FCHO1: variants seen among roughly 807,000 people sequenced by gnomAD.
FCHO1 encodes FCH and mu domain containing endocytic adaptor 1.
In FCHO1, 45 loss-of-function variants were observed where a neutral mutation model predicts 114.4. The ratio of observed to expected loss-of-function variants is 0.39; its 90% CI spans 0.31 to 0.50. The LOEUF (loss-of-function observed/expected upper bound fraction) is 0.50. Ranked by LOEUF, FCHO1 falls within the 20% of genes least tolerant of loss-of-function variation. The probability of loss-of-function intolerance (pLI) is 0.77; values close to 1 mark genes in which losing one functional copy is unlikely to be tolerated. For missense variants in FCHO1, 1,042 were observed against 1,209.6 expected (o/e 0.86, Z 2.06); for synonymous variants, 480 against 488.9 (o/e 0.98, Z 0.24).
At chr19:17,786,773 C>A in intron 27 of FCHO1, 144 bp downstream of exon 27, 1 of 869,120 alleles carries the variant, frequency 1.2e-6, no homozygotes, top group Non-Finnish European at 1.8e-6. Context: ...TGGAGGAGGG[C>A]CGGGCTGAGT....
At chr19:17,779,382 G>A (rs576731791) in intron 20 of FCHO1, among the ~76,000 whole-genome samples, 2 of 152,066 alleles carry the variant, frequency 1.3e-5, no homozygotes, top group South Asian at 4.2e-4. Flanking sequence ...CCTGACTCAG[G>A]GGTCACAGGC....
chr19:17,748,083 A>G (rs546625904), upstream of FCHO1, among the ~76,000 whole-genome samples: 7 of 152,244 alleles, frequency 4.6e-5, no homozygotes, highest in African/African-American at 1.4e-4. Flanking sequence ...CGACGACGCG[A>G]GACCCCTCCC....
At chr19:17,778,537 G>A (rs577609547) in intron 19 of FCHO1, 72 bp from the exon 20 acceptor site, 3 of 1,450,680 alleles carry the variant, frequency 2.1e-6, no homozygotes, top group Non-Finnish European at 2.7e-6. Flanking sequence ...ACGTGGCCGT[G>A]GCCTGCAGGA....
Position 17,787,945 on chromosome 19 carries a change from GA to G in FCHO1, c.2647+102del. 3 of 1,422,746 alleles carry G rather than the reference GA, an allele frequency of 2.1e-6. No homozygotes were observed. In the South Asian group the frequency reaches 4.1e-5, roughly 20 times the overall value. 88.1% of individuals were successfully genotyped at this position (1,422,746 alleles called of 1,614,324 possible). On this transcript the variant is annotated intron_variant, in intron 28 of 28. Transcript: ENST00000596536. Reference sequence around the variant, plus strand: ...GGGATTGGGGTGTGGGGATCCTTGGGAAAGATAGGTGGGTGTTGGGGCCAGG... The same window carrying G: ...GGGATTGGGGTGTGGGGATCCTTGGGAAGATAGGTGGGTGTTGGGGCCAGG...
rs1188003253 is a variant in FCHO1, at chr19:17,787,667, T to C, written c.2483-15T>C. On this transcript the variant is annotated splice_polypyrimidine_tract_variant and intron_variant, in intron 27 of 28. Coordinates refer to ENST00000596536, the MANE Select transcript of FCHO1 (RefSeq NM_015122.3). ...GGGCTGGTGCCAGGGCGCAGCTGAC[T>C]GCAGGTCTCCCCAGGTTCTGGCCGC... The C allele has an allele frequency of 7.8e-6, 12 of 1,547,094 alleles. No individual in the cohort carries two copies. In the African/African-American group the frequency reaches 1.4e-4, roughly 18 times the overall value.
At chr19:17,787,571 G>A in intron 27 of FCHO1, 111 bp from the exon 28 acceptor site, 1 of 1,216,542 alleles carries the variant, frequency 8.2e-7, no homozygotes, top group Non-Finnish European at 1.1e-6. Context: ...GTCTGATGGG[G>A]CACATAAAGG....
intron 6 of FCHO1, among the ~76,000 whole-genome samples, chr19:17,764,841 G>A (rs751938840): frequency 1.1e-4 from 17 of 152,024 alleles, no homozygotes; most frequent in Admixed American, 2.0e-4. Context: ...TGAAGTGGGC[G>A]GATCACCGGA....
At chr19:17,778,953 G>C in intron 20 of FCHO1, 69 bp downstream of exon 20, 1 of 1,432,252 alleles carries the variant, frequency 7.0e-7, no homozygotes, top group South Asian at 1.4e-5. Flanking sequence ...CCTGCTTTGG[G>C]CAGGGCCTGA....
At chr19:17,781,936 G>C in intron 23 of FCHO1, 116 bp downstream of exon 23, 1 of 637,134 alleles carries the variant, frequency 1.6e-6, no homozygotes, top group Non-Finnish European at 2.6e-6. Context: ...CTTGAACACT[G>C]AGCCAAGTGA....
intron 9 of FCHO1, among the ~76,000 whole-genome samples, chr19:17,771,366 AAAAAG>A (rs1393794231): frequency 1.4e-5 from 2 of 146,060 alleles, no homozygotes; most frequent in East Asian, 2.0e-4. Context: ...TATAAAAAAA[AAAAAG>A]AAAAGAAAAG....
In FCHO1 at chr19:17,784,240, G is replaced by T; in HGVS notation, c.2226+5G>T. On this transcript the variant is annotated splice_donor_5th_base_variant and intron_variant, in intron 25 of 28. Transcript: ENST00000596536. This position sits in a 1 kb window ranked among gnomAD's most constrained non-coding sequence, Gnocchi z 5.3. ...GTGGTGCTGCTGCGATACCAGGTGC[G>T]CCACCCGCATGGGGCCGGGAGGAGG... The T allele has an allele frequency of 3.1e-6, 5 of 1,597,240 alleles. No homozygotes were observed. Among genetic ancestry groups the T allele is most frequent in the South Asian group, 1.1e-5 (1 of 89,310 alleles).
rs937108255 is a variant in FCHO1, at chr19:17,775,834, A to G, written c.1004-149A>G. 7 of 858,614 alleles carry G rather than the reference A, an allele frequency of 8.2e-6. No individual in the cohort carries two copies. The highest frequency in any genetic ancestry group is 3.6e-4 in the Middle Eastern group (1 of 2,800). 53.2% of individuals were successfully genotyped at this position (858,614 alleles called of 1,614,324 possible). A position where few individuals can be genotyped will look rare whatever the true frequency, so the allele number is the denominator to read the frequency against. On this transcript the variant is annotated intron_variant, in intron 15 of 28. Transcript: ENST00000596536. This position sits in a 1 kb window ranked among gnomAD's most constrained non-coding sequence, Gnocchi z 5.1. ...GGGGGGGTGGGAGTGCTGGTGGGAC[A>G]TGGTGTCAGGACTGAAGGTGGCGCG... is the stretch of plus-strand genomic sequence containing the variant.
In FCHO1 at chr19:17,774,244, C is replaced by T; in HGVS notation, c.796C>T (p.Leu266=). 1 of 1,614,094 alleles carries T rather than the reference C, an allele frequency of 6.2e-7. No homozygotes were observed. Among genetic ancestry groups the T allele is most frequent in the East Asian group, 2.2e-5 (1 of 44,868 alleles). The change falls in exon 12 of 29, where the codon CTG becomes TTG. Residue 266 remains leucine (L), a synonymous_variant. Transcript: ENST00000596536. ...GTTTCCGTCTCCTGTCTCAGGACCT[C>T]TGGACTTCGAGGCATACAGTGCGGC... ...KGTGREKPGP[L]DFEAYSAAAL... is the part of the protein sequence containing the mutation.
chr19:17,756,395 C>T (rs553901059), intron 4 of FCHO1, among the ~76,000 whole-genome samples: 2 of 152,316 alleles, frequency 1.3e-5, no homozygotes, highest in South Asian at 4.1e-4. Flanking sequence ...GACAGTGGCA[C>T]CTACATTTAT....
At position 17,784,897 on chromosome 19, in the gene FCHO1, A is replaced by G. The variant is rs200974277; in HGVS notation, c.2399A>G (p.Asn800Ser). 3 of 1,612,734 alleles carry G rather than the reference A, an allele frequency of 1.9e-6. No homozygotes were observed. Among genetic ancestry groups the G allele is most frequent in the Admixed American group, 3.3e-5 (2 of 60,020 alleles). The change falls in exon 26 of 29, where the codon AAC (asparagine) becomes AGC (serine). Residue 800 changes from asparagine (N) to serine (S), a missense_variant. Asn to Ser is a conservative substitution (Grantham distance 46, BLOSUM62 1). Transcript: ENST00000596536. The surrounding 1 kb of genome is among the most constrained non-coding windows in gnomAD (Gnocchi z 5.3). ...ILLPVGEPVTNVRLQPAATWN... is the reference protein window; with the variant it reads ...ILLPVGEPVTSVRLQPAATWN... ...CTGCCTGTGGGGGAGCCTGTGACCA[A>G]CGTCCGCTTGCAGCCGGCTGCCACC...
chr19:17,788,456 C>T lies in FCHO1; in HGVS notation c.*150C>T. On this transcript the variant is annotated 3_prime_UTR_variant, in exon 29 of 29. Coordinates refer to ENST00000596536, the MANE Select transcript of FCHO1 (RefSeq NM_015122.3). The stretch of plus-strand genomic sequence containing the variant: ...GAGCCCCATGCCCAGCCTGGCTGAG[C>T]CCGAGATTCGCTCCTCCCCCTCATG... The T allele has an allele frequency of 1.6e-6, 1 of 617,176 alleles. No individual in the cohort carries two copies. Among genetic ancestry groups the T allele is most frequent in the East Asian group, 3.0e-5 (1 of 33,778 alleles). The allele number at this position is 617,176 out of a possible 1,614,324, so 38.2% of individuals were successfully genotyped here.
rs1369380642 is a variant in FCHO1, at chr19:17,786,607, T to A, written c.2460T>A (p.Leu820=). Reference sequence around the variant, plus strand: ...AGGAGAAGCGGCTCACTTGGAGGCTTCCAGATGTGTCCGAGGCAGGCGGTG... The same window carrying A: ...AGGAGAAGCGGCTCACTTGGAGGCTACCAGATGTGTCCGAGGCAGGCGGTG... The part of the protein sequence containing the change: ...NLEEKRLTWR[L]PDVSEAGGSG... Residue 820 remains leucine (L), a synonymous_variant, in exon 27 of 29, where the codon CTT becomes CTA. Transcript: ENST00000596536. The A allele has an allele frequency of 2.2e-6, 3 of 1,361,804 alleles. No homozygotes were observed. Among genetic ancestry groups the A allele is most frequent in the Non-Finnish European group, 2.9e-6 (3 of 1,026,400 alleles). The allele number at this position is 1,361,804 out of a possible 1,614,324, so 84.4% of individuals were successfully genotyped here. A position where few individuals can be genotyped will look rare whatever the true frequency, so the allele number is the denominator to read the frequency against.
At chr19:17,762,690 C>T (rs562905389) in intron 4 of FCHO1, 72 bp from the exon 5 acceptor site, 11 of 1,115,548 alleles carry the variant, frequency 9.9e-6, no homozygotes, top group African/African-American at 3.1e-5. Flanking sequence ...TGCTCCTTGG[C>T]CACGCCCCCG....
At position 17,787,750 on chromosome 19, in the gene FCHO1, C is replaced by G. The variant is rs1247759445; in HGVS notation, c.2551C>G (p.Gln851Glu). Residue 851 changes from glutamine (Q) to glutamate (E), a missense_variant, in exon 28 of 29, where the codon CAG becomes GAG. Physicochemically the swap from Gln to Glu is conservative, Grantham distance 29. This residue lies in a region of FCHO1 where 137 missense variants were observed against 190.0 expected (regional missense o/e 0.72). Transcript: ENST00000596536. ...CAGCACACCCAGCCCCGTGGCTGCA[C>G]AGTTCACCAGCGAGGGGACCACTCT... Reference protein sequence around the residue: ...GPSTPSPVAAQFTSEGTTLSG... With the variant: ...GPSTPSPVAAEFTSEGTTLSG... 2 of 1,602,034 alleles carry G rather than the reference C, an allele frequency of 1.2e-6. No individual in the cohort carries two copies. The highest frequency in any genetic ancestry group is 1.7e-6 in the Non-Finnish European group (2 of 1,175,628).
Sources: allele counts gnomAD v4.1 joint callset (sites outside exome capture counted in the v4.1 genomes callset), GRCh38; gene constraint gnomAD v4.1.1; regional missense constraint gnomAD v4.1.1; non-coding constraint Gnocchi (gnomAD v3.1); transcripts MANE v1.5; gene names NCBI Gene and HGNC (gene_info 2026-07-23, HGNC 2026-07-21).